The following NEIL3 variants were observed in gnomAD, a reference collection of about 807,000 sequenced individuals.
NEIL3 encodes endonuclease 8-like 3.
In NEIL3, 48 loss-of-function variants were observed where a neutral mutation model predicts 57.5. The observed-to-expected ratio is 0.83, with a 90% CI of 0.66 to 1.06. The LOEUF (loss-of-function observed/expected upper bound fraction) is 1.06, where lower values mean the gene tolerates loss of function less well. Ranked by LOEUF, NEIL3 falls within the 50% of genes least tolerant of loss-of-function variation. The pLI, the probability that NEIL3 is intolerant of heterozygous loss-of-function variation, is 0.00. For missense variants in NEIL3, 717 were observed against 739.1 expected (o/e 0.97, Z 0.35); for synonymous variants, 261 against 253.2 (o/e 1.03, Z -0.29).
intron 7 of NEIL3, 55 bp from the exon 8 acceptor site, chr4:177,353,250 CATA>C (rs1241559171): frequency 3.6e-6 from 5 of 1,379,960 alleles, no homozygotes; most frequent in Non-Finnish European, 4.0e-6. Context: ...AGATGTTTCA[CATA>C]ATCAGTATGT....
intron 6 of NEIL3, among the ~76,000 whole-genome samples, chr4:177,344,836 A>G (rs1735179398): frequency 6.6e-6 from 1 of 152,192 alleles, no homozygotes; most frequent in Non-Finnish European, 1.5e-5. Context: ...TGCTGGGATT[A>G]CAGGTGTGAG....
At chr4:177,340,405 A>G (rs35751869) in intron 5 of NEIL3, among the ~76,000 whole-genome samples, 1 of 152,248 alleles carries the variant, frequency 6.6e-6, no homozygotes, top group African/African-American at 2.4e-5. Flanking sequence ...TACTATATGC[A>G]TATATAGAAT....
intron 8 of NEIL3, 198 bp downstream of exon 8, chr4:177,353,926 C>T (rs927610749): frequency 1.1e-5 from 6 of 533,430 alleles, no homozygotes; most frequent in Admixed American, 1.1e-4. Context: ...CCATCAGGCC[C>T]GACTAATTTT....
rs755304205 is a variant in NEIL3, at chr4:177,341,647, G to T, written c.869+5G>T. ...TCCTCAACATGTTGACATATGGTAA[G>T]ATATTGAATTTAAAGGGATACCATT... On this transcript the variant is annotated splice_donor_5th_base_variant and intron_variant, in intron 6 of 9. Transcript: ENST00000264596. The T allele has an allele frequency of 3.7e-6, 6 of 1,610,854 alleles. No individual in the cohort carries two copies. In the Admixed American group the frequency reaches 8.4e-5, roughly 23 times the overall value.
intron 2 of NEIL3, among the ~76,000 whole-genome samples, chr4:177,326,362 A>G (rs921211355): frequency 6.6e-6 from 1 of 152,132 alleles, no homozygotes. Context: ...GTATGGGTCT[A>G]TTTCTGAACT....
Position 177,310,079 on chromosome 4 carries a change from C to G in NEIL3, c.126C>G (p.Leu42=). ...LRSLQGRALR[L]AASTVVVSPQ... is the part of the protein sequence containing the mutation. ...GTCTGCAGGGCCGCGCCTTGCGGCTCGCAGCCTCCACGGTTGTGGTCTCCC... is the reference window on the plus strand; with the variant it reads ...GTCTGCAGGGCCGCGCCTTGCGGCTGGCAGCCTCCACGGTTGTGGTCTCCC... Residue 42 remains leucine (L), a synonymous_variant, in exon 1 of 10, where the codon CTC becomes CTG. Coordinates refer to ENST00000264596, the MANE Select transcript of NEIL3 (RefSeq NM_018248.3). The G allele has an allele frequency of 1.9e-6, 3 of 1,596,394 alleles. No individual in the cohort carries two copies. Among genetic ancestry groups the G allele is most frequent in the Non-Finnish European group, 2.6e-6 (3 of 1,172,816 alleles).
At chr4:177,315,093 GT>G (rs1734550400) in intron 1 of NEIL3, among the ~76,000 whole-genome samples, 3 of 149,512 alleles carry the variant, frequency 2.0e-5, no homozygotes, top group African/African-American at 7.4e-5. Flanking sequence ...AAAAAAATGT[GT>G]TGTTGTACTG....
intron 6 of NEIL3, among the ~76,000 whole-genome samples, chr4:177,347,001 CAA>C (rs11323162): frequency 2.3e-3 from 282 of 123,362 alleles, no homozygotes; most frequent in African/African-American, 5.4e-3. Flanking sequence ...GACTCCGTCT[CAA>C]AAAAAAAAAA....
intron 1 of NEIL3, among the ~76,000 whole-genome samples, chr4:177,320,321 A>C (rs1041241526): frequency 6.6e-6 from 1 of 152,060 alleles, no homozygotes; most frequent in Non-Finnish European, 1.5e-5. Flanking sequence ...CTGCCTTCCC[A>C]GTGCTTGATA....
intron 4 of NEIL3, among the ~76,000 whole-genome samples, chr4:177,338,480 AT>A (rs1735020977): frequency 6.6e-6 from 1 of 152,180 alleles, no homozygotes; most frequent in African/African-American, 2.4e-5. Context: ...TTCATGTTTG[AT>A]TGAAAAAAAT....
intron 6 of NEIL3, chr4:177,343,703 T>C (rs1190520595): frequency 6.6e-6 from 1 of 152,076 alleles, no homozygotes; most frequent in Non-Finnish European, 1.5e-5. Context: ...TCACCCCGTG[T>C]TACTATCATA....
At chr4:177,346,547 G>T (rs1240026642) in intron 6 of NEIL3, among the ~76,000 whole-genome samples, 1 of 151,998 alleles carries the variant, frequency 6.6e-6, no homozygotes, top group Non-Finnish European at 1.5e-5. Context: ...TCTTTCATGG[G>T]CTCCTTTTCT....
At chr4:177,370,308 TTCTC>T in the NEIL3 span, among the ~76,000 whole-genome samples, 27 of 152,302 alleles carry the variant, frequency 1.8e-4, no homozygotes, top group African/African-American at 4.6e-4. Flanking sequence ...ACTAATCTCT[TTCTC>T]TCTCTACTTC....
chr4:177,320,477 T>G (rs1402659697), intron 1 of NEIL3, among the ~76,000 whole-genome samples: 1 of 84,964 alleles, frequency 1.2e-5, no homozygotes, highest in Non-Finnish European at 2.9e-5. Flanking sequence ...TTTTTTTTTT[T>G]TTTTTTTTTT....
At chr4:177,325,822 A>T (rs1734770072) in intron 2 of NEIL3, among the ~76,000 whole-genome samples, 1 of 151,992 alleles carries the variant, frequency 6.6e-6, no homozygotes, top group African/African-American at 2.4e-5. Context: ...ATCTGATGCA[A>T]TATGCATATT....
chr4:177,330,389 A>G (rs1010735652), intron 2 of NEIL3, among the ~76,000 whole-genome samples: 2 of 152,106 alleles, frequency 1.3e-5, no homozygotes, highest in Non-Finnish European at 2.9e-5. Context: ...TTTTTTATAA[A>G]TGAATAAAAT....
chr4:177,330,012 A>G (rs1044204679), intron 2 of NEIL3, among the ~76,000 whole-genome samples: 3 of 152,108 alleles, frequency 2.0e-5, no homozygotes, highest in Admixed American at 2.0e-4. Flanking sequence ...CCCGGGTTCA[A>G]GTGATTCTCC....
intron 2 of NEIL3, among the ~76,000 whole-genome samples, chr4:177,334,057 A>G (rs10032867): frequency 0.12 from 18,292 of 152,014 alleles, 1,193 homozygotes; most frequent in Middle Eastern, 0.21. Flanking sequence ...AGTTTCCTAA[A>G]CTAATTAATT....
intron 9 of NEIL3, among the ~76,000 whole-genome samples, chr4:177,361,255 G>A (rs1205434091): frequency 6.6e-6 from 1 of 152,072 alleles, no homozygotes; most frequent in African/African-American, 2.4e-5. Flanking sequence ...AGAACCTCAG[G>A]TCCGTTTAGT....
Sources: allele counts gnomAD v4.1 joint callset (sites outside exome capture counted in the v4.1 genomes callset), GRCh38; gene constraint gnomAD v4.1.1; transcripts MANE v1.5; gene names NCBI Gene and HGNC (gene_info 2026-07-23, HGNC 2026-07-21).